PTPRD: variants seen among roughly 807,000 people sequenced by gnomAD.
PTPRD encodes protein tyrosine phosphatase receptor type D.
A neutral mutation model predicts 214.5 loss-of-function variants in PTPRD; 34 were observed. The ratio of observed to expected loss-of-function variants is 0.16; its 90% CI spans 0.12 to 0.21. PTPRD has a LOEUF of 0.21. Among genes scored for constraint, PTPRD ranks in the 10% least tolerant of loss-of-function variants. The pLI, the probability that PTPRD is intolerant of heterozygous loss-of-function variation, is 1.00. For missense variants in PTPRD, 2,545 were observed against 2,398.7 expected, an observed-to-expected ratio of 1.06 and a Z score of -1.27; for synonymous variants, 1,128 against 845.7, an observed-to-expected ratio of 1.33 and a Z score of -5.79.
At chr9:9,319,768 T>A (rs1425913776) in intron 9 of PTPRD, among the ~76,000 whole-genome samples, 1 of 152,188 alleles carries the variant, frequency 6.6e-6, no homozygotes, top group Non-Finnish European at 1.5e-5. Flanking sequence ...GGAGTAGTGA[T>A]AATTAAAATA....
intron 14 of PTPRD, among the ~76,000 whole-genome samples, chr9:8,585,154 T>C (rs554592132): frequency 8.5e-4 from 129 of 152,292 alleles, no homozygotes; most frequent in Middle Eastern, 3.4e-3. Flanking sequence ...ACGTGAAATT[T>C]TCAACGTAGA....
intron 2 of PTPRD, among the ~76,000 whole-genome samples, chr9:10,541,042 T>A (rs2784610): frequency 0.14 from 20,749 of 152,164 alleles, 2,082 homozygotes; most frequent in East Asian, 0.5. Flanking sequence ...CCATTAAACA[T>A]TGATACGCAC....
At chr9:9,587,307 A>G (rs2092152069) in intron 7 of PTPRD, among the ~76,000 whole-genome samples, 1 of 151,964 alleles carries the variant, frequency 6.6e-6, no homozygotes, top group Non-Finnish European at 1.5e-5. Flanking sequence ...TAGGGTTTTT[A>G]ATACACTAAT....
chr9:9,835,474 G>T (rs1317865459), intron 5 of PTPRD, among the ~76,000 whole-genome samples: 1 of 152,118 alleles, frequency 6.6e-6, no homozygotes, highest in Non-Finnish European at 1.5e-5. Flanking sequence ...GATGTACATT[G>T]TATTGTTGGC....
intron 8 of PTPRD, among the ~76,000 whole-genome samples, chr9:9,440,467 T>C (rs996866228): frequency 2.6e-5 from 4 of 152,038 alleles, no homozygotes. Flanking sequence ...ACAAAGAGGG[T>C]GTCTAGGAGA....
At chr9:8,663,477 T>C (rs2097106811) in intron 12 of PTPRD, among the ~76,000 whole-genome samples, 1 of 152,012 alleles carries the variant, frequency 6.6e-6, no homozygotes, top group African/African-American at 2.4e-5. Context: ...AGGATTTTAA[T>C]AGTGTATTTT....
intron 3 of PTPRD, among the ~76,000 whole-genome samples, chr9:10,065,191 G>GAAAGAAAGAAAGAAAGGAAGAAAGAAAT (rs1555538041): frequency 6.6e-6 from 1 of 151,156 alleles, no homozygotes. Context: ...AAGAAAGAAA[G>GAAAGAAAGAAAGAAAGGAAGAAAGAAAT]AAAAGGATGC....
chr9:8,737,924 T>C (rs1267302956), intron 11 of PTPRD, among the ~76,000 whole-genome samples: 2 of 143,632 alleles, frequency 1.4e-5, no homozygotes, highest in East Asian at 2.0e-4. Flanking sequence ...GCTGGGATTA[T>C]AGATGTGAGC....
intron 9 of PTPRD, among the ~76,000 whole-genome samples, chr9:9,309,291 T>C (rs1162622896): frequency 6.6e-6 from 1 of 151,552 alleles, no homozygotes; most frequent in Non-Finnish European, 1.5e-5. Context: ...TCCTAAAAGG[T>C]ATAGATGAAC....
chr9:9,114,388 C>T (rs943348879), intron 10 of PTPRD, among the ~76,000 whole-genome samples: 4 of 152,146 alleles, frequency 2.6e-5, no homozygotes, highest in Non-Finnish European at 5.9e-5. Flanking sequence ...AGGCCCCTTA[C>T]ACTCGGAAAA....
At chr9:9,297,665 T>A (rs1199452626) in intron 9 of PTPRD, among the ~76,000 whole-genome samples, 1 of 151,696 alleles carries the variant, frequency 6.6e-6, no homozygotes, top group Admixed American at 6.6e-5. Context: ...GAATTCTTCG[T>A]TATCATAAAA....
chr9:8,869,981 G>T (rs981390589), intron 11 of PTPRD, among the ~76,000 whole-genome samples: 1 of 152,028 alleles, frequency 6.6e-6, no homozygotes, highest in East Asian at 1.9e-4. Flanking sequence ...AATTTGTACC[G>T]GACATTGTAG....
At position 10,345,131 on chromosome 9, in the gene PTPRD, G is replaced by T. The variant is rs944030729; in HGVS notation, c.-599-4114C>A. On this transcript the variant is annotated intron_variant, in intron 2 of 45. Coordinates refer to ENST00000381196, the MANE Select transcript of PTPRD (RefSeq NM_002839.4). ...CACCCACCATTGCATCTGATTCATT[G>T]CAAGTGGTCAATATTTACTGGGCAA... Among the ~76,000 whole-genome samples, 10 of 151,962 alleles carry T rather than the reference G, an allele frequency of 6.6e-5. 1 individual carries two copies. Among genetic ancestry groups the T allele is most frequent in the Admixed American group, 6.6e-4 (10 of 15,236 alleles).
chr9:10,297,572 T>C (rs2095717369), intron 3 of PTPRD, among the ~76,000 whole-genome samples: 1 of 135,790 alleles, frequency 7.4e-6, no homozygotes, highest in African/African-American at 3.2e-5. Context: ...ATCTCTGTAA[T>C]GAGTTGTGTT....
At chr9:8,793,839 T>A (rs2096316663) in intron 11 of PTPRD, among the ~76,000 whole-genome samples, 1 of 152,214 alleles carries the variant, frequency 6.6e-6, no homozygotes, top group Admixed American at 6.5e-5. Context: ...AGGTTTGTAT[T>A]TTTGAGTTCA....
chr9:8,870,685 G>GAA (rs1233386543), intron 11 of PTPRD, among the ~76,000 whole-genome samples: 1 of 27,798 alleles, frequency 3.6e-5, no homozygotes, highest in Non-Finnish European at 7.1e-5. Context: ...ACACAGACAT[G>GAA]AAACACACAC....
At chr9:8,859,108 G>A (rs1174792368) in intron 11 of PTPRD, among the ~76,000 whole-genome samples, 1 of 152,230 alleles carries the variant, frequency 6.6e-6, no homozygotes, top group African/African-American at 2.4e-5. Flanking sequence ...GCCTCCTTCG[G>A]GGATGCTTGT....
At chr9:9,577,992 G>A (rs936205735) in intron 7 of PTPRD, among the ~76,000 whole-genome samples, 2 of 132,930 alleles carry the variant, frequency 1.5e-5, no homozygotes, top group Non-Finnish European at 3.1e-5. Flanking sequence ...GTTGCAGTGA[G>A]CCGAGATTGT....
At chr9:9,711,471 CTAAAA>C (rs2097728270) in intron 7 of PTPRD, among the ~76,000 whole-genome samples, 1 of 151,924 alleles carries the variant, frequency 6.6e-6, no homozygotes, top group Non-Finnish European at 1.5e-5. Context: ...CAAAAACAGG[CTAAAA>C]TAAAATTATA....
Sources: gnomAD v4.1 joint callset for allele counts (sites outside exome capture counted in the v4.1 genomes callset) on GRCh38, gnomAD v4.1.1 for gene constraint, MANE v1.5 for transcripts, NCBI Gene and HGNC (gene_info 2026-07-23, HGNC 2026-07-21) for gene names.